Variants in TEX11 observed in about 807,000 individuals in gnomAD.
TEX11 encodes the protein testis expressed 11.
Under a neutral mutation model 84.4 loss-of-function variants are expected in TEX11, and 7 were observed. The ratio of observed to expected loss-of-function variants is 0.08; its 90% CI spans 0.05 to 0.16. The LOEUF is 0.16. Among genes scored for constraint, TEX11 ranks in the 10% least tolerant of loss-of-function variants. TEX11 has a pLI of 1.00. For synonymous variants in TEX11, 264 were observed against 222.8 expected, an observed-to-expected ratio of 1.18 and a Z score of -1.64; for missense variants, 551 against 660.5, an observed-to-expected ratio of 0.83 and a Z score of 1.82.
At chrX:70,831,630 C>A (rs2091377420) in intron 8 of TEX11, among the ~76,000 whole-genome samples, 1 of 110,735 alleles carries the variant, frequency 9.0e-6, no homozygotes, top group African/African-American at 3.3e-5. Context: ...TCTATCTCTT[C>A]AAATAAAAGG....
intron 10 of TEX11, among the ~76,000 whole-genome samples, chrX:70,742,782 C>T (rs1198620051): frequency 9.1e-6 from 1 of 110,239 alleles, no homozygotes. Context: ...AATGCAGTGG[C>T]TATTCACAGG....
rs182943849 is a variant in TEX11, at chrX:70,691,923, A to T, written c.1005-9098T>A. 6.6e-4 allele frequency among the ~76,000 whole-genome samples: 74 copies of T among 111,497 alleles called. No homozygotes were observed. The East Asian group carries it at 0.018, about 27-fold the overall frequency. ...CAAAACATCACATTAAATATACACA[A>T]TTTTTAATTGTCAATTATATCTCAA... is the stretch of plus-strand genomic sequence containing the variant. On this transcript the variant is annotated intron_variant, in intron 13 of 29. Transcript: ENST00000374333.
intron 14 of TEX11, among the ~76,000 whole-genome samples, chrX:70,679,738 G>T (rs1223119982): frequency 9.2e-6 from 1 of 108,684 alleles, no homozygotes; most frequent in Non-Finnish European, 1.9e-5. Context: ...AGGTGGGGGG[G>T]TCAGCCCCCC....
chrX:70,646,190 A>G (rs1416766736), intron 17 of TEX11, among the ~76,000 whole-genome samples: 4 of 112,449 alleles, frequency 3.6e-5, no homozygotes, highest in African/African-American at 1.3e-4. Context: ...TTCTTCAACC[A>G]ATAGTGTTGG....
chrX:70,553,464 A>C (rs2088246210), intron 26 of TEX11, 50 bp from the exon 27 acceptor site: 2 of 893,428 alleles, frequency 2.2e-6, no homozygotes, highest in Non-Finnish European at 3.1e-6. Context: ...GTCACCCATC[A>C]CAGTTTTCAT....
In TEX11 at chrX:70,648,212, A is replaced by C. The variant is rs193102433; in HGVS notation, c.1483+3238T>G. ...CTCACTCATAGGTGGGAATTGAACAATGAGAACACTTGGACACAGGAAGGG... is the reference window on the plus strand; with the variant it reads ...CTCACTCATAGGTGGGAATTGAACACTGAGAACACTTGGACACAGGAAGGG... On this transcript the variant is annotated intron_variant, in intron 17 of 29. Coordinates refer to ENST00000374333, the MANE Select transcript of TEX11 (RefSeq NM_031276.3). Among the ~76,000 whole-genome samples the C allele has an allele frequency of 4.5e-5, 5 of 110,942 alleles. 1 individual carries two copies. The East Asian group carries it at 1.4e-3, about 31-fold the overall frequency.
intron 8 of TEX11, among the ~76,000 whole-genome samples, chrX:70,813,395 A>G (rs2091268553): frequency 8.9e-6 from 1 of 111,872 alleles, no homozygotes; most frequent in Non-Finnish European, 1.9e-5. Context: ...ACAAAATTCA[A>G]CAGCCCTTCA....
At chrX:70,808,726 T>C (rs978875219) in intron 8 of TEX11, among the ~76,000 whole-genome samples, 2 of 109,404 alleles carry the variant, frequency 1.8e-5, no homozygotes, top group Non-Finnish European at 3.8e-5. Flanking sequence ...ATTTTATATT[T>C]AAAAAAAGTA....
intron 4 of TEX11, among the ~76,000 whole-genome samples, chrX:70,864,842 A>C (rs1204437528): frequency 1.8e-5 from 2 of 110,624 alleles, no homozygotes; most frequent in African/African-American, 6.6e-5. Flanking sequence ...AAACAAGCAA[A>C]TGCTGTTGGA....
intron 20 of TEX11, among the ~76,000 whole-genome samples, chrX:70,615,719 A>G (rs1441593148): frequency 1.8e-5 from 2 of 111,901 alleles, no homozygotes; most frequent in Middle Eastern, 4.2e-3. Flanking sequence ...CCCAAAGAAG[A>G]CTACCTCAAG....
chrX:70,763,533 A>C (rs191963955), intron 9 of TEX11, among the ~76,000 whole-genome samples: 28 of 110,729 alleles, frequency 2.5e-4, no homozygotes, highest in Admixed American at 7.7e-4. Context: ...AAATCTCAGA[A>C]AAAACACTAA....
intron 15 of TEX11, among the ~76,000 whole-genome samples, chrX:70,670,720 T>C (rs2090014816): frequency 8.9e-6 from 1 of 111,786 alleles, no homozygotes; most frequent in Non-Finnish European, 1.9e-5. Flanking sequence ...GTATTCTTTC[T>C]TTTTCCTACA....
At chrX:70,737,001 C>G (rs1423172731) in intron 11 of TEX11, among the ~76,000 whole-genome samples, 1 of 111,183 alleles carries the variant, frequency 9.0e-6, no homozygotes. Flanking sequence ...CAGTGAAAGA[C>G]AGAGCAGGCA....
intron 9 of TEX11, among the ~76,000 whole-genome samples, chrX:70,779,340 A>G (rs1473233506): frequency 9.9e-6 from 1 of 100,939 alleles, no homozygotes; most frequent in East Asian, 3.3e-4. Context: ...GCTTGAACCC[A>G]GTAGGTGAAG....
At chrX:70,631,286 T>C (rs185918867) in intron 17 of TEX11, among the ~76,000 whole-genome samples, 1 of 112,308 alleles carries the variant, frequency 8.9e-6, no homozygotes, top group African/African-American at 3.2e-5. Flanking sequence ...ATTAAAGTCA[T>C]ACAAAGTATG....
At chrX:70,559,596 A>G (rs1569325140) in intron 25 of TEX11, among the ~76,000 whole-genome samples, 2 of 112,205 alleles carry the variant, frequency 1.8e-5, no homozygotes, top group African/African-American at 3.2e-5. Flanking sequence ...TGAAAAATTG[A>G]ATTTATATTG....
intron 17 of TEX11, among the ~76,000 whole-genome samples, chrX:70,636,601 C>G: frequency 8.9e-6 from 1 of 112,574 alleles, no homozygotes; most frequent in East Asian, 2.8e-4. Flanking sequence ...AGGCACAAGG[C>G]CCATTCCCAC....
At chrX:70,585,403 A>G (rs1355571389) in intron 25 of TEX11, among the ~76,000 whole-genome samples, 2 of 112,436 alleles carry the variant, frequency 1.8e-5, no homozygotes, top group African/African-American at 6.5e-5. Flanking sequence ...ATGGATTGGA[A>G]GACTTAATAT....
intron 17 of TEX11, among the ~76,000 whole-genome samples, chrX:70,636,028 C>A (rs2089568399): frequency 9.0e-6 from 1 of 111,478 alleles, no homozygotes; most frequent in Non-Finnish European, 1.9e-5. Context: ...TGGGCTGGCC[C>A]CCATGGATCA....
Sources: gnomAD v4.1 joint callset for allele counts (sites outside exome capture counted in the v4.1 genomes callset) on GRCh38, gnomAD v4.1.1 for gene constraint, MANE v1.5 for transcripts, NCBI Gene and HGNC (gene_info 2026-07-23, HGNC 2026-07-21) for gene names.